The following KCTD16 variants were observed in gnomAD, a reference collection of about 807,000 sequenced individuals.
KCTD16 encodes the protein BTB/POZ domain-containing protein KCTD16.
A neutral mutation model predicts 33.2 loss-of-function variants in KCTD16; 13 were observed. That is an observed-to-expected ratio of 0.39 (90% CI 0.25 to 0.62). KCTD16 has a LOEUF of 0.62. KCTD16 is among the 20% of genes least tolerant of loss of function. The pLI, the probability that KCTD16 is intolerant of heterozygous loss-of-function variation, is 0.50. For synonymous variants in KCTD16, 197 were observed against 195.3 expected, an observed-to-expected ratio of 1.01 and a Z score of -0.07; for missense variants, 441 against 525.1, an observed-to-expected ratio of 0.84 and a Z score of 1.57.
intron 3 of KCTD16, among the ~76,000 whole-genome samples, chr5:144,327,034 G>A (rs1752224643): frequency 1.3e-5 from 2 of 152,128 alleles, no homozygotes; most frequent in African/African-American, 2.4e-5. Context: ...GGAACTAAAC[G>A]ATCCATTTGG....
At chr5:144,421,470 G>A (rs1014661137) in intron 3 of KCTD16, among the ~76,000 whole-genome samples, 5 of 152,102 alleles carry the variant, frequency 3.3e-5, no homozygotes, top group Non-Finnish European at 7.4e-5. Context: ...GAATATTTTT[G>A]TGCGTACCTG....
chr5:144,193,422 A>G (rs1580778518), intron 2 of KCTD16, among the ~76,000 whole-genome samples: 1 of 151,562 alleles, frequency 6.6e-6, no homozygotes, highest in Admixed American at 6.6e-5. Flanking sequence ...TTTCCATTCC[A>G]CCTGCCTAGA....
At chr5:144,443,572 T>A (rs1753758955) in intron 3 of KCTD16, among the ~76,000 whole-genome samples, 1 of 152,086 alleles carries the variant, frequency 6.6e-6, no homozygotes, top group Non-Finnish European at 1.5e-5. Context: ...AGGTGAAAGC[T>A]TGATATTTCT....
intron 3 of KCTD16, among the ~76,000 whole-genome samples, chr5:144,221,369 C>A (rs1057264087): frequency 1.3e-5 from 2 of 152,204 alleles, no homozygotes; most frequent in Admixed American, 1.3e-4. Flanking sequence ...CTGCACCCAT[C>A]ATCCCATCAC....
intron 3 of KCTD16, among the ~76,000 whole-genome samples, chr5:144,363,219 G>A (rs1343252160): frequency 1.3e-5 from 2 of 152,132 alleles, no homozygotes; most frequent in Non-Finnish European, 2.9e-5. Flanking sequence ...GCAGGCACCT[G>A]TAATCCCAGT....
At chr5:144,388,117 G>T (rs1373030710) in intron 3 of KCTD16, among the ~76,000 whole-genome samples, 2 of 108,826 alleles carry the variant, frequency 1.8e-5, no homozygotes, top group African/African-American at 3.7e-5. Flanking sequence ...TCGCTCTGTT[G>T]CCCAGAGACT....
chr5:144,444,360 C>A (rs919969170), intron 3 of KCTD16, among the ~76,000 whole-genome samples: 1 of 152,030 alleles, frequency 6.6e-6, no homozygotes, highest in African/African-American at 2.4e-5. Context: ...AATAAAACAT[C>A]ATTTCAAGTA....
intron 2 of KCTD16, among the ~76,000 whole-genome samples, chr5:144,175,775 G>A (rs1488160523): frequency 6.6e-6 from 1 of 152,158 alleles, no homozygotes; most frequent in African/African-American, 2.4e-5. Context: ...ATGATATAAT[G>A]TATTCAAGTA....
At chr5:144,188,425 A>T (rs1431914581) in intron 2 of KCTD16, among the ~76,000 whole-genome samples, 2 of 152,206 alleles carry the variant, frequency 1.3e-5, no homozygotes, top group African/African-American at 4.8e-5. Flanking sequence ...GTTTAGAATG[A>T]TACATCTGGT....
At chr5:144,236,297 T>A (rs1754251698) in intron 3 of KCTD16, among the ~76,000 whole-genome samples, 1 of 152,124 alleles carries the variant, frequency 6.6e-6, no homozygotes, top group Non-Finnish European at 1.5e-5. Flanking sequence ...AAGCAACATT[T>A]GAGCTGGGCC....
chr5:144,369,837 C>T (rs1309120348), intron 3 of KCTD16, among the ~76,000 whole-genome samples: 3 of 151,902 alleles, frequency 2.0e-5, no homozygotes, highest in Non-Finnish European at 4.4e-5. Context: ...CATGGGTGAA[C>T]ATATAATTTT....
chr5:144,233,676 G>T (rs947337700), intron 3 of KCTD16, among the ~76,000 whole-genome samples: 3 of 152,156 alleles, frequency 2.0e-5, no homozygotes, highest in African/African-American at 7.2e-5. Flanking sequence ...GGAATCCATT[G>T]TTAGAGTTTG....
intron 3 of KCTD16, among the ~76,000 whole-genome samples, chr5:144,446,597 A>G (rs919686332): frequency 6.6e-6 from 1 of 152,310 alleles, no homozygotes; most frequent in South Asian, 2.1e-4. Context: ...AGCGAAAGAA[A>G]CTATCATAAG....
intron 1 of KCTD16, among the ~76,000 whole-genome samples, chr5:144,173,618 A>C (rs1028770930): frequency 6.6e-6 from 1 of 152,208 alleles, no homozygotes; most frequent in South Asian, 2.1e-4. Context: ...CCCTGAACTT[A>C]AAATTTAAAA....
intron 3 of KCTD16, among the ~76,000 whole-genome samples, chr5:144,233,719 G>A (rs944130793): frequency 1.3e-5 from 2 of 152,116 alleles, no homozygotes; most frequent in Non-Finnish European, 2.9e-5. Flanking sequence ...TAGATCATCC[G>A]TAAACAGGAC....
At chr5:144,254,807 T>C (rs997919645) in intron 3 of KCTD16, among the ~76,000 whole-genome samples, 8 of 152,164 alleles carry the variant, frequency 5.3e-5, no homozygotes, top group Non-Finnish European at 1.2e-4. Flanking sequence ...TCATCCAGGC[T>C]GGAGTGCAGT....
chr5:144,186,357 A>AG, intron 2 of KCTD16, among the ~76,000 whole-genome samples: 2 of 74,998 alleles, frequency 2.7e-5, no homozygotes, highest in African/African-American at 5.0e-5. Context: ...TTTTTTAAAA[A>AG]AAAAAAGAAA....
At chr5:144,201,814 G>A (rs1382558043) in intron 2 of KCTD16, among the ~76,000 whole-genome samples, 1 of 152,162 alleles carries the variant, frequency 6.6e-6, no homozygotes, top group Non-Finnish European at 1.5e-5. Context: ...CACATAACAC[G>A]ATGAGTGTGC....
chr5:144,418,261 T>C (rs1360718629), intron 3 of KCTD16, among the ~76,000 whole-genome samples: 2 of 152,068 alleles, frequency 1.3e-5, no homozygotes, highest in Admixed American at 1.3e-4. Context: ...TTCCACAGCG[T>C]GGAAGGAGAC....
Sources: allele counts gnomAD v4.1 joint callset (sites outside exome capture counted in the v4.1 genomes callset), GRCh38; gene constraint gnomAD v4.1.1; transcripts MANE v1.5; gene names NCBI Gene and HGNC (gene_info 2026-07-23, HGNC 2026-07-21).